The following DNMT3B variants were observed in gnomAD, a reference collection of about 807,000 sequenced individuals.
The protein encoded by DNMT3B is DNA (cytosine-5)-methyltransferase 3B.
Under a neutral mutation model 120.2 loss-of-function variants are expected in DNMT3B, and 37 were observed. That is an observed-to-expected ratio of 0.31 (90% CI 0.24 to 0.40). The LOEUF (loss-of-function observed/expected upper bound fraction) is 0.40. DNMT3B is among the 10% of genes least tolerant of loss of function. The pLI, the probability that DNMT3B is intolerant of heterozygous loss-of-function variation, is 1.00. For synonymous variants in DNMT3B, 412 were observed against 442.8 expected (o/e 0.93, Z 0.87); for missense variants, 878 against 1,137.3 (o/e 0.77, Z 3.28).
rs1331941340 is a variant in DNMT3B, at chr20:32,771,200, C to G, written c.-7+8501C>G. Among the ~76,000 whole-genome samples the G allele has an allele frequency of 2.6e-5, 4 of 152,222 alleles. No homozygotes were observed. The East Asian group carries it at 7.7e-4, about 29-fold the overall frequency. On this transcript the variant is annotated intron_variant, in intron 1 of 22. Coordinates refer to ENST00000328111, the MANE Select transcript of DNMT3B (RefSeq NM_006892.4). Reference sequence around the variant, plus strand: ...TGTTGAAACAACTAAAAATGCTGTGCCTTTATCTGTTGGTAGAAGAACTAA... The same window carrying G: ...TGTTGAAACAACTAAAAATGCTGTGGCTTTATCTGTTGGTAGAAGAACTAA...
chr20:32,790,372 G>A (rs985685409), intron 7 of DNMT3B, among the ~76,000 whole-genome samples: 2 of 152,180 alleles, frequency 1.3e-5, no homozygotes, highest in African/African-American at 4.8e-5. Context: ...TAGAGTCTGA[G>A]GCTAATACAA....
At chr20:32,763,108 G>A (rs796775063) in intron 1 of DNMT3B, among the ~76,000 whole-genome samples, 28 of 152,260 alleles carry the variant, frequency 1.8e-4, no homozygotes, top group African/African-American at 6.5e-4. Flanking sequence ...GGCAGGGGGT[G>A]TAATTACCTG....
chr20:32,790,528 GT>G (rs1237759396), intron 7 of DNMT3B, among the ~76,000 whole-genome samples: 3 of 123,804 alleles, frequency 2.4e-5, no homozygotes, highest in African/African-American at 8.2e-5. Flanking sequence ...TGTTGGAGCG[GT>G]TTCCCCCCAC....
intron 8 of DNMT3B, among the ~76,000 whole-genome samples, chr20:32,792,202 C>T (rs556755273): frequency 6.6e-6 from 1 of 152,278 alleles, no homozygotes; most frequent in South Asian, 2.1e-4. Flanking sequence ...AATCCTTGGT[C>T]CTTCATGTAG....
rs1280613687 is a variant in DNMT3B, at chr20:32,784,813, T to C, written c.260T>C (p.Met87Thr). The change falls in exon 4 of 23, where the codon ATG (methionine) becomes ACG (threonine). Residue 87 changes from methionine to threonine, a missense_variant. Around this residue, in one of 4 missense-constraint regions of DNMT3B, gnomAD observed 287 missense variants for 306.2 expected, o/e 0.94. Coordinates refer to ENST00000328111, the MANE Select transcript of DNMT3B (RefSeq NM_006892.4). Reference sequence around the variant, plus strand: ...GGGGATGGCTCTGACACCCCAGTCATGCCAAAGCTCTTCCGGGAAACCAGG... The same window carrying C: ...GGGGATGGCTCTGACACCCCAGTCACGCCAAAGCTCTTCCGGGAAACCAGG... ...EDGDGSDTPV[M>T]PKLFRETRTR... is the part of the protein sequence containing the mutation. 2 of 1,614,126 alleles carry C rather than the reference T, an allele frequency of 1.2e-6. No homozygotes were observed. Among genetic ancestry groups the C allele is most frequent in the Non-Finnish European group, 1.7e-6 (2 of 1,180,020 alleles).
intron 1 of DNMT3B, among the ~76,000 whole-genome samples, chr20:32,775,538 C>G (rs1384448000): frequency 6.6e-6 from 1 of 152,210 alleles, no homozygotes; most frequent in Non-Finnish European, 1.5e-5. Context: ...AGGCACCCTG[C>G]TGCACTAATG....
chr20:32,807,606 T>C (rs1982107824), intron 22 of DNMT3B, among the ~76,000 whole-genome samples, 156 bp from the exon 23 acceptor site: 1 of 152,082 alleles, frequency 6.6e-6, no homozygotes, highest in Non-Finnish European at 1.5e-5. Flanking sequence ...TGTAAGCAAG[T>C]GTTCTGAATT....
At chr20:32,771,218 AG>A (rs1402244392) in intron 1 of DNMT3B, among the ~76,000 whole-genome samples, 2 of 152,240 alleles carry the variant, frequency 1.3e-5, no homozygotes, top group Non-Finnish European at 2.9e-5. Flanking sequence ...TGTTGGTAGA[AG>A]AACTAAGCTC....
chr20:32,807,653 A>T, intron 22 of DNMT3B, 109 bp from the exon 23 acceptor site: 1 of 1,533,390 alleles, frequency 6.5e-7, no homozygotes, highest in Non-Finnish European at 8.9e-7. Flanking sequence ...GACCTTACTG[A>T]TGGGACTGAG....
chr20:32,807,570 C>T (rs57239875), intron 22 of DNMT3B, among the ~76,000 whole-genome samples, 192 bp from the exon 23 acceptor site: 2,604 of 152,166 alleles, frequency 0.017, 61 homozygotes, highest in African/African-American at 0.05. Flanking sequence ...CTGCACAAAA[C>T]GGGGGACTTT....
intron 16 of DNMT3B, 118 bp from the exon 17 acceptor site, chr20:32,800,035 T>C: frequency 6.9e-7 from 1 of 1,444,666 alleles, no homozygotes; most frequent in Non-Finnish European, 9.7e-7. Flanking sequence ...TTTGCTGGAT[T>C]GAACGCATGT....
chr20:32,806,162 G>T, intron 21 of DNMT3B, 47 bp from the exon 22 acceptor site: 1 of 1,573,548 alleles, frequency 6.4e-7, no homozygotes, highest in Non-Finnish European at 8.7e-7. Context: ...TGACTCCCCA[G>T]GTCCCTTCAT....
chr20:32,807,414 G>A (rs1288097941), intron 22 of DNMT3B, among the ~76,000 whole-genome samples: 8 of 152,134 alleles, frequency 5.3e-5, no homozygotes, highest in Non-Finnish European at 8.8e-5. Flanking sequence ...GAGTGACCTT[G>A]TTCCTTATTA....
chr20:32,786,968 G>A (rs887304728), intron 5 of DNMT3B, among the ~76,000 whole-genome samples: 2 of 152,138 alleles, frequency 1.3e-5, no homozygotes, highest in Non-Finnish European at 1.5e-5. Context: ...AGCGGGTATG[G>A]CAACATTTCA....
intron 1 of DNMT3B, among the ~76,000 whole-genome samples, chr20:32,765,540 C>G (rs1423446395): frequency 2.7e-5 from 4 of 149,924 alleles, no homozygotes; most frequent in Non-Finnish European, 3.0e-5. Flanking sequence ...CCTGCCTCAA[C>G]CTTCCGAGTA....
chr20:32,772,871 C>T (rs1362363592), intron 1 of DNMT3B, among the ~76,000 whole-genome samples: 4 of 118,450 alleles, frequency 3.4e-5, no homozygotes, highest in African/African-American at 1.6e-4. Context: ...CCTGTTTGGA[C>T]ACATTTTTTT....
chr20:32,774,091 G>T (rs2424910), intron 1 of DNMT3B, among the ~76,000 whole-genome samples: 4,275 of 152,134 alleles, frequency 0.028, 203 homozygotes, highest in African/African-American at 0.098. Flanking sequence ...GACAGCCTGA[G>T]TCTGGCCCCC....
chr20:32,797,186 G>A lies in DNMT3B; in HGVS notation c.1378-1G>A. Reference sequence around the variant, plus strand: ...CACTGGTGTTTCTCTCTGGCTGCCAGGATCGCTTCCTTGAGCTGTTTTACA... The same window carrying A: ...CACTGGTGTTTCTCTCTGGCTGCCAAGATCGCTTCCTTGAGCTGTTTTACA... On this transcript the variant is annotated splice_acceptor_variant, in intron 13 of 22. Transcript: ENST00000328111. LOFTEE classifies it high-confidence loss of function. 6.2e-7 allele frequency: 1 copy of A among 1,613,524 alleles called. No individual in the cohort carries two copies.
intron 7 of DNMT3B, among the ~76,000 whole-genome samples, chr20:32,789,393 G>T (rs1979701783): frequency 6.6e-6 from 1 of 152,180 alleles, no homozygotes; most frequent in South Asian, 2.1e-4. Flanking sequence ...ATTTAGCCCT[G>T]GGGAGAGAAA....
Sources: gnomAD v4.1 joint callset for allele counts (sites outside exome capture counted in the v4.1 genomes callset) on GRCh38, gnomAD v4.1.1 for gene constraint, gnomAD v4.1.1 regional missense constraint, MANE v1.5 for transcripts, NCBI Gene and HGNC (gene_info 2026-07-23, HGNC 2026-07-21) for gene names.